USB1: variants seen among roughly 807,000 people sequenced by gnomAD.
USB1 encodes the protein U6 snRNA biogenesis phosphodiesterase 1, also known as U6 snRNA phosphodiesterase 1.
A neutral mutation model predicts 29.9 loss-of-function variants in USB1; 21 were observed. That is an observed-to-expected ratio of 0.70 (90% CI 0.50 to 1.01). The LOEUF is 1.01. Among genes scored for constraint, USB1 ranks in the 50% least tolerant of loss-of-function variants. The probability of loss-of-function intolerance (pLI) is 0.00; values close to 1 mark genes in which losing one functional copy is unlikely to be tolerated. For synonymous variants in USB1, 143 were observed against 134.9 expected, an observed-to-expected ratio of 1.06 and a Z score of -0.42; for missense variants, 330 against 347.1, an observed-to-expected ratio of 0.95 and a Z score of 0.39.
Position 58,020,536 on chromosome 16 carries a change from C to G in USB1, c.*291C>G, listed in dbSNP as rs1239905146. 1 of 445,302 alleles carries G rather than the reference C, an allele frequency of 2.2e-6. No homozygotes were observed. Among genetic ancestry groups the G allele is most frequent in the African/African-American group, 2.4e-5 (1 of 41,334 alleles). The allele number at this position is 445,302 out of a possible 1,614,324, so 27.6% of individuals were successfully genotyped here. On this transcript the variant is annotated 3_prime_UTR_variant, in exon 7 of 7. Transcript: ENST00000219281. ...TCCTCTCTCTCTTCCTCTTCTCTCT[C>G]TTCCCCTCCTGTCTCTCCTCCCCTC...
Position 58,013,009 on chromosome 16 carries a change from T to C in USB1, c.450-1264T>C, listed in dbSNP as rs1963534073. The C allele has an allele frequency of 3.0e-6, 3 of 985,738 alleles. No homozygotes were observed. The highest frequency in any genetic ancestry group is 3.6e-6 in the Non-Finnish European group (3 of 830,188). The allele number at this position is 985,738 out of a possible 1,614,324, so 61.1% of individuals were successfully genotyped here. A position where few individuals can be genotyped will look rare whatever the true frequency, so the allele number is the denominator to read the frequency against. ...CCTGGACCCCTGGGCTGGTTCCCTCTGAGGAAAGGATCTGTGTCATGAGTG... is the reference window on the plus strand; with the variant it reads ...CCTGGACCCCTGGGCTGGTTCCCTCCGAGGAAAGGATCTGTGTCATGAGTG... On this transcript the variant is annotated intron_variant, in intron 3 of 6. Coordinates refer to ENST00000219281, the MANE Select transcript of USB1 (RefSeq NM_024598.4). The surrounding 1 kb of genome is among the most constrained non-coding windows in gnomAD (Gnocchi z 4.3).
At chr16:58,002,687 C>G (rs765713568) in intron 2 of USB1, 42 bp downstream of exon 2, 1 of 1,612,342 alleles carries the variant, frequency 6.2e-7, no homozygotes, top group Non-Finnish European at 8.5e-7. Context: ...ACCCATAGAC[C>G]CGTAGGTGCC....
intron 2 of USB1, among the ~76,000 whole-genome samples, chr16:58,005,973 G>A (rs1963342719): frequency 1.3e-5 from 2 of 152,174 alleles, no homozygotes; most frequent in Admixed American, 6.5e-5. Flanking sequence ...TTTGTACACT[G>A]CAACCTTGCT....
At chr16:58,010,981 C>T in intron 3 of USB1, 1 of 702,150 alleles carries the variant, frequency 1.4e-6, no homozygotes, top group African/African-American at 1.7e-5. Flanking sequence ...CTGAAAGTTC[C>T]CAGCTTCTAA....
upstream of USB1, chr16:58,001,366 C>A: frequency 2.4e-6 from 3 of 1,230,950 alleles, no homozygotes; most frequent in East Asian, 7.6e-5. Flanking sequence ...CCCGGCTCCG[C>A]CCCGAGGCGG....
chr16:58,012,429 G>A, intron 3 of USB1: 12 of 1,266,820 alleles, frequency 9.5e-6, no homozygotes, highest in Non-Finnish European at 1.3e-5. Flanking sequence ...TCATGCATGA[G>A]TGGACCGGGG....
intron 2 of USB1, 40 bp downstream of exon 2, chr16:58,002,685 A>G (rs1555497686): frequency 3.1e-6 from 5 of 1,612,482 alleles, no homozygotes; most frequent in Non-Finnish European, 4.2e-6. Context: ...AGACCCATAG[A>G]CCCGTAGGTG....
chr16:58,020,147 G>A lies in USB1; in HGVS notation c.700G>A (p.Val234Met), dbSNP rs762033139. The A allele has an allele frequency of 3.7e-5, 60 of 1,614,014 alleles. No homozygotes were observed. The highest frequency in any genetic ancestry group is 4.5e-5 in the Non-Finnish European group (53 of 1,180,020). The change falls in exon 7 of 7, where the codon GTG (valine) becomes ATG (methionine). Residue 234 changes from valine to methionine, a missense_variant. Transcript: ENST00000219281. ...CCCTGGCTGCTGTTTTAAGGCAATC[G>A]TGGATGGGTTTGAAGATGCTGAGGT... The part of the protein sequence containing the change: ...GQCLQELQAI[V>M]DGFEDAEVLL...
intron 3 of USB1, chr16:58,011,147 C>T: frequency 7.1e-7 from 1 of 1,408,298 alleles, no homozygotes; most frequent in Non-Finnish European, 9.7e-7. Context: ...AAAGATGCTC[C>T]TAGCACCCCT....
intron 5 of USB1, 140 bp from the exon 6 acceptor site, chr16:58,018,832 C>A: frequency 1.2e-6 from 1 of 815,496 alleles, no homozygotes. Flanking sequence ...TGCTTGGGAT[C>A]AACACTGAGT....
chr16:58,003,296 A>G (rs2142292354), intron 2 of USB1, among the ~76,000 whole-genome samples: 1 of 152,254 alleles, frequency 6.6e-6, no homozygotes, highest in South Asian at 2.1e-4. Context: ...GTGTGGTGGC[A>G]CACGCCTATG....
At chr16:58,010,953 G>A in intron 3 of USB1, 1 of 699,958 alleles carries the variant, frequency 1.4e-6, no homozygotes, top group East Asian at 2.7e-5. Flanking sequence ...TCCCATACCG[G>A]GAGGGTAGGG....
At chr16:58,011,220 C>G in intron 3 of USB1, 2 of 1,495,682 alleles carry the variant, frequency 1.3e-6, no homozygotes, top group Admixed American at 4.3e-5. Context: ...CTGAGACCAA[C>G]ACATATGTTA....
chr16:58,012,543 TC>T (rs1342215745), intron 3 of USB1: 69 of 1,365,374 alleles, frequency 5.1e-5, no homozygotes, highest in Non-Finnish European at 6.4e-5. Context: ...CCACCGCATC[TC>T]CCGGCTAATG....
At chr16:58,009,306 G>T (rs1963435765) in intron 2 of USB1, among the ~76,000 whole-genome samples, 1 of 152,162 alleles carries the variant, frequency 6.6e-6, no homozygotes, top group African/African-American at 2.4e-5. Context: ...GGTGGGACAG[G>T]ATGACCAGAA....
chr16:58,001,008 C>T (rs1320553502), upstream of USB1, among the ~76,000 whole-genome samples: 1 of 152,180 alleles, frequency 6.6e-6, no homozygotes, highest in African/African-American at 2.4e-5. Context: ...TGATCCGCCC[C>T]TAACTGCTCA....
At chr16:58,018,910 C>T in intron 5 of USB1, 62 bp from the exon 6 acceptor site, 3 of 1,532,864 alleles carry the variant, frequency 2.0e-6, no homozygotes, top group Non-Finnish European at 2.7e-6. Context: ...CACAGACCTG[C>T]TGTGAGGGCA....
rs755587925 is a variant in USB1, at chr16:58,018,412, C to T, written c.610-560C>T. Among the ~76,000 whole-genome samples the T allele has an allele frequency of 1.1e-4, 16 of 152,020 alleles. No individual in the cohort carries two copies. The South Asian group carries it at 1.5e-3, about 14-fold the overall frequency. On this transcript the variant is annotated intron_variant, in intron 5 of 6. Transcript: ENST00000219281. ...CTAATTTTTGTATTTTTAGTAGAGA[C>T]GGGGTTTCACCATGTTGGCCAGGCT...
At chr16:58,014,979 G>A (rs978224904) in intron 4 of USB1, 14 of 153,818 alleles carry the variant, frequency 9.1e-5, no homozygotes, top group African/African-American at 3.4e-4. Context: ...TCGAGAGGCT[G>A]AGGCAGGAGA....
Sources: allele counts gnomAD v4.1 joint callset (sites outside exome capture counted in the v4.1 genomes callset), GRCh38; gene constraint gnomAD v4.1.1; non-coding constraint Gnocchi (gnomAD v3.1); transcripts MANE v1.5; gene names NCBI Gene and HGNC (gene_info 2026-07-23, HGNC 2026-07-21).